HIF3A: variants seen among roughly 807,000 people sequenced by gnomAD.
The protein encoded by HIF3A is hypoxia inducible factor 3 subunit alpha.
HIF3A carries 41 observed loss-of-function variants against 67.2 expected under a neutral mutation model. The ratio of observed to expected loss-of-function variants is 0.61; its 90% confidence interval spans 0.48 to 0.79. The LOEUF (loss-of-function observed/expected upper bound fraction) is 0.79. Among genes scored for constraint, HIF3A ranks in the 30% least tolerant of loss-of-function variants. HIF3A has a pLI of 0.00. For synonymous variants in HIF3A, 356 were observed against 374.8 expected, an observed-to-expected ratio of 0.95 and a Z score of 0.58; for missense variants, 855 against 898.0, an observed-to-expected ratio of 0.95 and a Z score of 0.61.
At chr19:46,301,016 C>T (rs1411489115) in intron 1 of HIF3A, among the ~76,000 whole-genome samples, 2 of 152,086 alleles carry the variant, frequency 1.3e-5, no homozygotes, top group African/African-American at 4.8e-5. Flanking sequence ...GAGGCCCTCT[C>T]GCCCCCACCC....
chr19:46,328,895 C>G (rs1970979669), intron 11 of HIF3A, among the ~76,000 whole-genome samples: 1 of 151,952 alleles, frequency 6.6e-6, no homozygotes, highest in Non-Finnish European at 1.5e-5. Flanking sequence ...TAATTTTTTT[C>G]CTTTTTTGTG....
At position 46,307,841 on chromosome 19, in the gene HIF3A, G is replaced by A. The variant is rs151103122; in HGVS notation, c.364-380G>A. Among the ~76,000 whole-genome samples, 11 of 152,172 alleles carry A rather than the reference G, an allele frequency of 7.2e-5. No homozygotes were observed. In the East Asian group the frequency reaches 2.1e-3, roughly 29 times the overall value. ...GAGGCTGAGGTGGGAGGATCAGATCGCTTGAGCCCAGGAGGTTGAGGCTGC... is the reference window on the plus strand; with the variant it reads ...GAGGCTGAGGTGGGAGGATCAGATCACTTGAGCCCAGGAGGTTGAGGCTGC... On this transcript the variant is annotated intron_variant, in intron 3 of 14. Coordinates refer to ENST00000377670, the MANE Select transcript of HIF3A (RefSeq NM_152795.4).
At chr19:46,338,285 T>C (rs1000585438) in intron 14 of HIF3A, 1 of 454,028 alleles carries the variant, frequency 2.2e-6, no homozygotes, top group Non-Finnish European at 4.4e-6. Flanking sequence ...CACCGCAGCC[T>C]CGACCTCCTG....
rs879059331 is a variant in HIF3A at position 46,339,396 on chromosome 19, A to G, written c.1913-129A>G. On this transcript the variant is annotated intron_variant, in intron 14 of 14. Coordinates refer to ENST00000377670, the MANE Select transcript of HIF3A (RefSeq NM_152795.4). ...TCTGCGCAAAAGTAAAATTACTAAA[A>G]ATCCTTTGTTCGAGTGTTCAATTTC... 11 of 623,140 alleles carry G rather than the reference A, an allele frequency of 1.8e-5. No individual in the cohort carries two copies. In the South Asian group the frequency reaches 1.8e-4, roughly 10 times the overall value. 38.6% of individuals were successfully genotyped at this position (623,140 alleles called of 1,614,324 possible).
intron 11 of HIF3A, 61 bp from the exon 12 acceptor site, chr19:46,329,146 T>G: frequency 1.3e-6 from 2 of 1,488,114 alleles, no homozygotes; most frequent in South Asian, 2.6e-5. Flanking sequence ...GTGCTGGGAC[T>G]TCAGCCAAGG....
intron 3 of HIF3A, chr19:46,306,562 C>T (rs538880774): frequency 6.6e-6 from 1 of 152,352 alleles, no homozygotes; most frequent in South Asian, 2.1e-4. Flanking sequence ...AGCATACATG[C>T]TGCCTAAGCA....
chr19:46,328,157 C>T (rs1275268801), intron 11 of HIF3A, among the ~76,000 whole-genome samples: 1 of 152,224 alleles, frequency 6.6e-6, no homozygotes, highest in African/African-American at 2.4e-5. Context: ...CATGGCCAGC[C>T]TCCATCCTGA....
chr19:46,310,270 C>T (rs191780398), intron 6 of HIF3A, among the ~76,000 whole-genome samples: 17 of 152,090 alleles, frequency 1.1e-4, no homozygotes, highest in Non-Finnish European at 2.4e-4. Flanking sequence ...TGGCATATTC[C>T]TTTAGTCCCA....
At position 46,297,144 on chromosome 19, in the gene HIF3A, T is replaced by C; in HGVS notation, c.26+42T>C. 2 of 449,150 alleles carry C rather than the reference T, an allele frequency of 4.5e-6. No homozygotes were observed. Among genetic ancestry groups the C allele is most frequent in the Non-Finnish European group, 6.9e-6 (2 of 290,386 alleles). 27.8% of individuals were successfully genotyped at this position (449,150 alleles called of 1,614,324 possible). On this transcript the variant is annotated intron_variant, in intron 1 of 14. Transcript: ENST00000377670. This position sits in a 1 kb window ranked among gnomAD's most constrained non-coding sequence, Gnocchi z 4.5. The stretch of plus-strand genomic sequence containing the variant: ...GCAGGAGTTCTGGGAATTGGGGGGC[T>C]CTCCTCCTGGAGACCCCTGAGCTGG...
intron 14 of HIF3A, 96 bp downstream of exon 14, chr19:46,335,082 C>G: frequency 1.1e-6 from 1 of 927,254 alleles, no homozygotes; most frequent in Non-Finnish European, 1.6e-6. Context: ...GGGGGACTGT[C>G]AGTGCTTGGA....
At chr19:46,323,352 G>A (rs1469742938) in intron 10 of HIF3A, among the ~76,000 whole-genome samples, 1 of 151,982 alleles carries the variant, frequency 6.6e-6, no homozygotes, top group Non-Finnish European at 1.5e-5. Context: ...CCCGGCCTCT[G>A]GGGACAGTCT....
At chr19:46,316,508 A>C (rs1293005254) in intron 8 of HIF3A, among the ~76,000 whole-genome samples, 1 of 151,990 alleles carries the variant, frequency 6.6e-6, no homozygotes, top group African/African-American at 2.4e-5. Flanking sequence ...CAGAGTTAGA[A>C]TTACAGCTTT....
chr19:46,312,881 AATT>A lies in HIF3A; in HGVS notation c.1025+229_1025+231del. 3.2e-6 allele frequency: 3 copies of A among 944,356 alleles called. No individual in the cohort carries two copies. In the African/African-American group the frequency reaches 7.1e-5, roughly 22 times the overall value. 58.5% of individuals were successfully genotyped at this position (944,356 alleles called of 1,614,324 possible). ...TATGTGTATGGGTGTGTAGACTGTTAATTTTTTTTTTTTTTTTTTTTTTTTTTT... is the reference window on the plus strand; with the variant it reads ...TATGTGTATGGGTGTGTAGACTGTTATTTTTTTTTTTTTTTTTTTTTTTTT... On this transcript the variant is annotated intron_variant, in intron 8 of 14. Coordinates refer to ENST00000377670, the MANE Select transcript of HIF3A (RefSeq NM_152795.4).
intron 8 of HIF3A, among the ~76,000 whole-genome samples, chr19:46,318,681 C>T (rs576460953): frequency 1.1e-4 from 17 of 151,144 alleles, no homozygotes; most frequent in East Asian, 5.9e-4. Flanking sequence ...AGTGCAGTGG[C>T]GTGATCTCGG....
At position 46,320,562 on chromosome 19, in the gene HIF3A, G is replaced by A; in HGVS notation, c.1144+1G>A. ...ACCCCTAACCCTGGGGACAGCCTTG[G>A]TATGGGGCAGGGCTGGGGCCGGGAG... On this transcript the variant is annotated splice_donor_variant, in intron 9 of 14. Coordinates refer to ENST00000377670, the MANE Select transcript of HIF3A (RefSeq NM_152795.4). LOFTEE classifies it high-confidence loss of function. The A allele has an allele frequency of 1.2e-6, 2 of 1,610,302 alleles. No homozygotes were observed. The highest frequency in any genetic ancestry group is 1.1e-5 in the South Asian group (1 of 90,984).
chr19:46,317,068 G>A (rs1332368632), intron 8 of HIF3A, among the ~76,000 whole-genome samples: 3 of 152,088 alleles, frequency 2.0e-5, no homozygotes, highest in African/African-American at 7.2e-5. Context: ...CTATAGGTGC[G>A]CACTACCATG....
In HIF3A at chr19:46,310,510, T is replaced by C. The variant is rs544676824; in HGVS notation, c.770+1151T>C. ...CCTTCTGTCCTTCTCTTCCTTCTTC[T>C]GTCTTATCCCTCGCCCTGGTGTCAT... On this transcript the variant is annotated intron_variant, in intron 6 of 14. Coordinates refer to ENST00000377670, the MANE Select transcript of HIF3A (RefSeq NM_152795.4). The C allele has an allele frequency of 2.4e-5, 10 of 419,872 alleles. No homozygotes were observed. The Admixed American group carries it at 2.6e-4, about 11-fold the overall frequency. The allele number at this position is 419,872 out of a possible 1,614,324, so 26.0% of individuals were successfully genotyped here. A position where few individuals can be genotyped will look rare whatever the true frequency, so the allele number is the denominator to read the frequency against.
In HIF3A at chr19:46,339,800, G is replaced by T; in HGVS notation, c.*178G>T. ...CACCCCTCTGCCTGCTCCCAATCTGGGGGCTCTCTGGGGTGGTCTCAGCTC... is the reference window on the plus strand; with the variant it reads ...CACCCCTCTGCCTGCTCCCAATCTGTGGGCTCTCTGGGGTGGTCTCAGCTC... On this transcript the variant is annotated 3_prime_UTR_variant, in exon 15 of 15. Transcript: ENST00000377670. 2.3e-6 allele frequency: 1 copy of T among 438,406 alleles called. No homozygotes were observed. The highest frequency in any genetic ancestry group is 4.0e-6 in the Non-Finnish European group (1 of 247,872). The allele number at this position is 438,406 out of a possible 1,614,324, so 27.2% of individuals were successfully genotyped here.
Position 46,336,624 on chromosome 19 carries a change from C to A in HIF3A, c.1912+1638C>A, listed in dbSNP as rs146963176. Among the ~76,000 whole-genome samples, 224 of 152,164 alleles carry A rather than the reference C, an allele frequency of 1.5e-3. 5 individuals carry two copies. The highest frequency in any genetic ancestry group is 6.8e-3 in the Middle Eastern group (2 of 294). The stretch of plus-strand genomic sequence containing the variant: ...CTGGTCTTGAACTCCTGAGCTCAAG[C>A]GATCCACTCATCTCAGTTTCCCAAA... On this transcript the variant is annotated intron_variant, in intron 14 of 14. Transcript: ENST00000377670.
Sources: allele counts gnomAD v4.1 joint callset (sites outside exome capture counted in the v4.1 genomes callset), GRCh38; gene constraint gnomAD v4.1.1; non-coding constraint Gnocchi (gnomAD v3.1); transcripts MANE v1.5; gene names NCBI Gene and HGNC (gene_info 2026-07-23, HGNC 2026-07-21).